LTBP1: variants seen among roughly 807,000 people sequenced by gnomAD.
LTBP1 encodes latent-transforming growth factor beta-binding protein 1.
Under a neutral mutation model 207.6 loss-of-function variants are expected in LTBP1, and 129 were observed. That is an observed-to-expected ratio of 0.62 (90% CI 0.54 to 0.72). The LOEUF (loss-of-function observed/expected upper bound fraction) is 0.72. Ranked by LOEUF, LTBP1 falls within the 30% of genes least tolerant of loss-of-function variation. The pLI is 0.00. For synonymous variants in LTBP1, 963 were observed against 833.7 expected, an observed-to-expected ratio of 1.16 and a Z score of -2.67; for missense variants, 2,281 against 2,217.2, an observed-to-expected ratio of 1.03 and a Z score of -0.58.
At chr2:33,135,653 G>C (rs551327190) in intron 5 of LTBP1, among the ~76,000 whole-genome samples, 1 of 152,298 alleles carries the variant, frequency 6.6e-6, no homozygotes, top group South Asian at 2.1e-4. Flanking sequence ...AGTAGTTGCT[G>C]TCTGCAAGAA....
chr2:33,056,728 C>A (rs2077019402), intron 3 of LTBP1, among the ~76,000 whole-genome samples: 1 of 151,972 alleles, frequency 6.6e-6, no homozygotes, highest in South Asian at 2.1e-4. Flanking sequence ...GTGAGTGTTA[C>A]AGCTCATAAA....
intron 9 of LTBP1, among the ~76,000 whole-genome samples, chr2:33,242,765 C>T (rs1009441433): frequency 6.6e-6 from 1 of 151,858 alleles, no homozygotes; most frequent in African/African-American, 2.4e-5. Context: ...TGTTACCAAC[C>T]TCATACTTGC....
chr2:33,217,360 T>C (rs10189539), intron 7 of LTBP1, among the ~76,000 whole-genome samples, 192 bp from the exon 8 acceptor site: 2,603 of 152,380 alleles, frequency 0.017, 78 homozygotes, highest in African/African-American at 0.059. Flanking sequence ...TTTGGAAATG[T>C]ACTTGTTCAT....
intron 20 of LTBP1, among the ~76,000 whole-genome samples, chr2:33,294,230 T>G (rs1355130634): frequency 6.6e-6 from 1 of 151,910 alleles, no homozygotes; most frequent in Non-Finnish European, 1.5e-5. Flanking sequence ...GGAGTCTTGC[T>G]CTCTCCCCCA....
At chr2:32,947,956 T>G (rs996723227) in intron 1 of LTBP1, 138 bp downstream of exon 1, 1 of 659,534 alleles carries the variant, frequency 1.5e-6, no homozygotes. Context: ...TCCTCCCGCC[T>G]CCGCCTGCTC....
At chr2:33,177,009 A>G (rs1219287186) in intron 5 of LTBP1, among the ~76,000 whole-genome samples, 2 of 152,202 alleles carry the variant, frequency 1.3e-5, no homozygotes, top group Admixed American at 6.5e-5. Context: ...GCTGGATACA[A>G]TTATTTTTCT....
At chr2:32,981,093 T>A (rs1322180171) in intron 2 of LTBP1, among the ~76,000 whole-genome samples, 2 of 152,166 alleles carry the variant, frequency 1.3e-5, no homozygotes, top group Non-Finnish European at 1.5e-5. Flanking sequence ...TGTAACCTTC[T>A]TGTACTTGAA....
At chr2:33,091,215 T>C (rs1438269916) in intron 3 of LTBP1, among the ~76,000 whole-genome samples, 1 of 152,146 alleles carries the variant, frequency 6.6e-6, no homozygotes, top group Non-Finnish European at 1.5e-5. Context: ...TTGGTGGTCG[T>C]GGGGAGTGTG....
intron 11 of LTBP1, among the ~76,000 whole-genome samples, chr2:33,253,049 A>G (rs77952187): frequency 0.13 from 20,087 of 152,184 alleles, 1,950 homozygotes; most frequent in African/African-American, 0.27. Context: ...TCCCATTTCT[A>G]TGTGATATCA....
intron 5 of LTBP1, among the ~76,000 whole-genome samples, chr2:33,153,863 C>T (rs561356025): frequency 2.1e-3 from 222 of 104,922 alleles, no homozygotes; most frequent in Non-Finnish European, 3.0e-3. Context: ...CACCCGGCTC[C>T]GTGTCCCCAG....
In LTBP1 at chr2:33,206,556, C is replaced by T. The variant is rs527498068; in HGVS notation, c.1702-10996C>T. Among the ~76,000 whole-genome samples, 12 of 151,920 alleles carry T rather than the reference C, an allele frequency of 7.9e-5. No individual in the cohort carries two copies. The East Asian group carries it at 1.7e-3, about 22-fold the overall frequency. On this transcript the variant is annotated intron_variant, in intron 7 of 33. Transcript: ENST00000404816. ...GAGATCGAGACCATCCTGGCCGACA[C>T]GGTGAAGCCCCATCTCTACTAAAAA...
At chr2:33,139,710 G>A (rs2082486615) in intron 5 of LTBP1, among the ~76,000 whole-genome samples, 1 of 152,206 alleles carries the variant, frequency 6.6e-6, no homozygotes, top group African/African-American at 2.4e-5. Flanking sequence ...AGATGCATGG[G>A]GGAGTAGAGG....
At chr2:33,090,888 T>A (rs1241259908) in intron 3 of LTBP1, among the ~76,000 whole-genome samples, 1 of 152,160 alleles carries the variant, frequency 6.6e-6, no homozygotes, top group East Asian at 1.9e-4. Context: ...CCTTGTTGAG[T>A]CAGTTTTCCC....
At chr2:33,231,652 T>C (rs1162219253) in intron 9 of LTBP1, among the ~76,000 whole-genome samples, 1 of 152,086 alleles carries the variant, frequency 6.6e-6, no homozygotes, top group African/African-American at 2.4e-5. Flanking sequence ...AAATGAGCAC[T>C]AGAAAGTGCA....
chr2:33,006,317 T>TA (rs1199863679), intron 2 of LTBP1, among the ~76,000 whole-genome samples: 1 of 152,102 alleles, frequency 6.6e-6, no homozygotes, highest in Non-Finnish European at 1.5e-5. Flanking sequence ...GATCAGAGAT[T>TA]ATAGGAGGGG....
intron 30 of LTBP1, among the ~76,000 whole-genome samples, chr2:33,364,916 A>G (rs184924246): frequency 1.8e-4 from 28 of 152,366 alleles, no homozygotes; most frequent in Admixed American, 8.5e-4. Flanking sequence ...AAGGGTCACT[A>G]GTCCAGGGCT....
At chr2:33,342,688 A>G in intron 24 of LTBP1, 150 bp from the exon 25 acceptor site, 1 of 637,590 alleles carries the variant, frequency 1.6e-6, no homozygotes, top group Non-Finnish European at 2.4e-6. Flanking sequence ...TATATGTAAA[A>G]TATTTTAAAA....
chr2:33,255,547 G>A (rs531765087), intron 11 of LTBP1, among the ~76,000 whole-genome samples: 174 of 152,274 alleles, frequency 1.1e-3, no homozygotes, highest in African/African-American at 4.0e-3. Flanking sequence ...GTTTATTGCG[G>A]CATTATTCAC....
chr2:33,277,638 C>T (rs377739035), intron 18 of LTBP1, among the ~76,000 whole-genome samples: 18 of 151,984 alleles, frequency 1.2e-4, no homozygotes, highest in Middle Eastern at 3.4e-3. Context: ...GTATAGATCT[C>T]AAGCACCTCT....
Sources: gnomAD v4.1 joint callset for allele counts (sites outside exome capture counted in the v4.1 genomes callset) on GRCh38, gnomAD v4.1.1 for gene constraint, MANE v1.5 for transcripts, NCBI Gene and HGNC (gene_info 2026-07-23, HGNC 2026-07-21) for gene names.